RTN4IP1: variants seen among roughly 807,000 people sequenced by gnomAD.
RTN4IP1 encodes the protein reticulon 4 interacting protein 1.
Under a neutral mutation model 46.6 loss-of-function variants are expected in RTN4IP1, and 32 were observed. That is an observed-to-expected ratio of 0.69 (90% CI 0.52 to 0.92). RTN4IP1 has a LOEUF of 0.92. Ranked by LOEUF, RTN4IP1 falls within the 40% of genes least tolerant of loss-of-function variation. RTN4IP1 has a pLI of 0.00. For synonymous variants in RTN4IP1, 167 were observed against 161.8 expected (o/e 1.03, Z -0.24); for missense variants, 424 against 485.8 (o/e 0.87, Z 1.20).
Position 106,618,311 on chromosome 6 carries a change from A to G in RTN4IP1, c.620+891T>C, listed in dbSNP as rs555072474. On this transcript the variant is annotated intron_variant, in intron 4 of 8. Coordinates refer to ENST00000369063, the MANE Select transcript of RTN4IP1 (RefSeq NM_032730.5). ...AAAAACTAGGTTATTTTAATTTATTATAGTTTGACCTACAGCTCCTTCCTT... is the reference window on the plus strand; with the variant it reads ...AAAAACTAGGTTATTTTAATTTATTGTAGTTTGACCTACAGCTCCTTCCTT... Among the ~76,000 whole-genome samples, 6 of 152,322 alleles carry G rather than the reference A, an allele frequency of 3.9e-5. No homozygotes were observed. In the East Asian group the frequency reaches 9.6e-4, roughly 24 times the overall value.
chr6:106,594,474 C>T (rs995594853), intron 5 of RTN4IP1, among the ~76,000 whole-genome samples: 1 of 152,040 alleles, frequency 6.6e-6, no homozygotes, highest in African/African-American at 2.4e-5. Flanking sequence ...CGTACCACTG[C>T]ACTCCAGCCT....
intron 7 of RTN4IP1, 51 bp downstream of exon 7, chr6:106,587,628 T>C (rs969196513): frequency 1.3e-6 from 2 of 1,543,884 alleles, no homozygotes; most frequent in Admixed American, 1.9e-5. Context: ...GAAACCAATT[T>C]CTAGCAGCAG....
In RTN4IP1 at chr6:106,613,578, C is replaced by T. The variant is rs146639337; in HGVS notation, c.620+5624G>A. ...TAGGCTTATTCACTACACAAGAAAA[C>T]GTGAAATGCCTTGAAATCTGTAAAC... On this transcript the variant is annotated intron_variant, in intron 4 of 8. Transcript: ENST00000369063. Among the ~76,000 whole-genome samples the T allele has an allele frequency of 4.5e-4, 69 of 152,264 alleles. 1 individual carries two copies. The highest frequency in any genetic ancestry group is 1.5e-3 in the African/African-American group (62 of 41,556).
rs1211801615 is a variant in RTN4IP1, at chr6:106,598,597, C to T, written c.669+4277G>A. 7.9e-5 allele frequency among the ~76,000 whole-genome samples: 12 copies of T among 151,978 alleles called. No homozygotes were observed. In the South Asian group the frequency reaches 1.7e-3, roughly 21 times the overall value. ...GTTCATTGTAGATTCTGGATATTAG[C>T]CCTTTGTCAGATGAGTAGGTTGCGA... On this transcript the variant is annotated intron_variant, in intron 5 of 8. Coordinates refer to ENST00000369063, the MANE Select transcript of RTN4IP1 (RefSeq NM_032730.5).
intron 6 of RTN4IP1, among the ~76,000 whole-genome samples, chr6:106,590,748 C>T (rs1775639625): frequency 7.1e-6 from 1 of 140,728 alleles, no homozygotes; most frequent in Non-Finnish European, 1.5e-5. Flanking sequence ...ACAAGATCAA[C>T]CTAAACTACT....
rs140359337 is a variant in RTN4IP1 at position 106,627,702 on chromosome 6, C to T, written c.274+1046G>A. 3.4e-3 allele frequency among the ~76,000 whole-genome samples: 481 copies of T among 142,788 alleles called. 5 individuals are homozygous for T. The highest frequency in any genetic ancestry group is 0.012 in the African/African-American group (450 of 38,618). 93.7% of individuals were successfully genotyped at this position (142,788 alleles called of 152,430 possible). ...ACTACTTCAAAACAAAGAATACAAA[C>T]GTAGACTTCATGAGACAATCACAGT... On this transcript the variant is annotated intron_variant, in intron 1 of 8. Transcript: ENST00000369063.
chr6:106,630,476 G>A (rs1218972591), upstream of RTN4IP1, among the ~76,000 whole-genome samples: 2 of 152,148 alleles, frequency 1.3e-5, no homozygotes, highest in African/African-American at 4.8e-5. Flanking sequence ...CTATCTTGCA[G>A]ATATGGCTGG....
At chr6:106,600,667 C>T (rs1024627771) in intron 5 of RTN4IP1, among the ~76,000 whole-genome samples, 3 of 152,004 alleles carry the variant, frequency 2.0e-5, no homozygotes, top group Admixed American at 6.6e-5. Context: ...TAAATGGAAT[C>T]ATACAATATG....
At chr6:106,577,691 G>A (rs556934027) in intron 8 of RTN4IP1, among the ~76,000 whole-genome samples, 1 of 152,124 alleles carries the variant, frequency 6.6e-6, no homozygotes, top group Non-Finnish European at 1.5e-5. Context: ...TAAGGATCCT[G>A]AGATGCAGAG....
rs1290372512 is a variant in RTN4IP1, at chr6:106,618,391, T to A, written c.620+811A>T. On this transcript the variant is annotated intron_variant, in intron 4 of 8. Transcript: ENST00000369063. ...CTAGTTTTCTCAACAAAAAACAAAA[T>A]CATCAGTTTTCTCTATGATGGCAAC... Among the ~76,000 whole-genome samples the A allele has an allele frequency of 2.0e-5, 3 of 152,164 alleles. No homozygotes were observed. The East Asian group carries it at 5.8e-4, about 29-fold the overall frequency.
At chr6:106,594,438 G>A (rs74711253) in intron 5 of RTN4IP1, among the ~76,000 whole-genome samples, 5,037 of 152,124 alleles carry the variant, frequency 0.033, 273 homozygotes, top group East Asian at 0.2. Context: ...GAGCCGGCGG[G>A]GGTGGAGGTT....
At chr6:106,619,038 GCA>G (rs1267600405) in intron 4 of RTN4IP1, among the ~76,000 whole-genome samples, 162 bp downstream of exon 4, 1 of 152,202 alleles carries the variant, frequency 6.6e-6, no homozygotes, top group Non-Finnish European at 1.5e-5. Context: ...CTAAGAAAGT[GCA>G]AACTGACACA....
rs1030087872 is a variant in RTN4IP1 at position 106,628,708 on chromosome 6, ATTT to A, written c.274+37_274+39del. The A allele has an allele frequency of 3.2e-6, 5 of 1,559,888 alleles. No individual in the cohort carries two copies. In the African/African-American group the frequency reaches 6.8e-5, roughly 21 times the overall value. On this transcript the variant is annotated intron_variant, in intron 1 of 8. Transcript: ENST00000369063. ...TAAAACGGCATACCTTATGAAAGTGATTTTTTTAAAAAAGGTAACAATGTCTTT... is the reference window on the plus strand; with the variant it reads ...TAAAACGGCATACCTTATGAAAGTGATTTTAAAAAAGGTAACAATGTCTTT...
intron 8 of RTN4IP1, among the ~76,000 whole-genome samples, chr6:106,579,580 A>T (rs1775308974): frequency 6.6e-6 from 1 of 152,044 alleles, no homozygotes; most frequent in African/African-American, 2.4e-5. Context: ...AAACCAAAAC[A>T]TTTACTGAGT....
chr6:106,575,686 TAG>T (rs1775210661), intron 8 of RTN4IP1, among the ~76,000 whole-genome samples: 1 of 152,118 alleles, frequency 6.6e-6, no homozygotes, highest in South Asian at 2.1e-4. Context: ...CACAAAACAG[TAG>T]AGTTAACATA....
intron 4 of RTN4IP1, among the ~76,000 whole-genome samples, chr6:106,615,231 C>T (rs1356543047): frequency 6.6e-6 from 1 of 151,826 alleles, no homozygotes; most frequent in East Asian, 1.9e-4. Flanking sequence ...GAAGAAAAGG[C>T]CTTAGAATGC....
At chr6:106,572,232 C>G (rs916890728) in intron 8 of RTN4IP1, 129 bp from the exon 9 acceptor site, 2 of 720,472 alleles carry the variant, frequency 2.8e-6, no homozygotes, top group African/African-American at 3.5e-5. Flanking sequence ...TCCAGTGGAC[C>G]CAGGTCAGGC....
At chr6:106,618,802 A>G (rs1776411284) in intron 4 of RTN4IP1, among the ~76,000 whole-genome samples, 1 of 152,210 alleles carries the variant, frequency 6.6e-6, no homozygotes, top group African/African-American at 2.4e-5. Context: ...TGGGAGAGGT[A>G]GGGAAAAAAC....
At chr6:106,606,733 T>C (rs1305927872) in intron 4 of RTN4IP1, among the ~76,000 whole-genome samples, 2 of 151,850 alleles carry the variant, frequency 1.3e-5, no homozygotes, top group Admixed American at 1.3e-4. Context: ...AAAACATACA[T>C]ATAAATTAAA....
Sources: allele counts gnomAD v4.1 joint callset (sites outside exome capture counted in the v4.1 genomes callset), GRCh38; gene constraint gnomAD v4.1.1; transcripts MANE v1.5; gene names NCBI Gene and HGNC (gene_info 2026-07-23, HGNC 2026-07-21).